Variants in ASIC2 observed in about 807,000 individuals in gnomAD.
ASIC2 encodes the protein acid sensing ion channel subunit 2, also known as acid-sensing ion channel 2.
A neutral mutation model predicts 57.3 loss-of-function variants in ASIC2; 25 were observed. The observed-to-expected ratio is 0.44, with a 90% CI of 0.32 to 0.61. The LOEUF (loss-of-function observed/expected upper bound fraction) is 0.61. ASIC2 is among the 20% of genes least tolerant of loss of function. The probability of loss-of-function intolerance (pLI) is 0.06; values close to 1 mark genes in which losing one functional copy is unlikely to be tolerated. For synonymous variants in ASIC2, 319 were observed against 307.5 expected, an observed-to-expected ratio of 1.04 and a Z score of -0.39; for missense variants, 641 against 738.1, an observed-to-expected ratio of 0.87 and a Z score of 1.52.
intron 1 of ASIC2, among the ~76,000 whole-genome samples, chr17:34,031,839 C>T (rs184045550): frequency 4.6e-5 from 7 of 152,134 alleles, no homozygotes. Context: ...ACAAACAAAG[C>T]CTCCAAGACT....
intron 1 of ASIC2, among the ~76,000 whole-genome samples, chr17:33,327,977 C>A (rs1907144680): frequency 6.6e-6 from 1 of 152,154 alleles, no homozygotes; most frequent in Non-Finnish European, 1.5e-5. Context: ...CCAAAGAAGA[C>A]TGAGGATGGC....
At chr17:33,269,714 T>C (rs1462800830) in intron 1 of ASIC2, among the ~76,000 whole-genome samples, 2 of 36,054 alleles carry the variant, frequency 5.5e-5, no homozygotes, top group African/African-American at 9.6e-5. Context: ...TGCCTGCCTT[T>C]CCTCCCTTCC....
intron 1 of ASIC2, among the ~76,000 whole-genome samples, chr17:33,328,303 G>A (rs541277504): frequency 1.1e-3 from 163 of 152,258 alleles, no homozygotes; most frequent in South Asian, 3.1e-3. Context: ...TCAGCCAACC[G>A]GGGAGAATGG....
chr17:33,900,024 G>C (rs1829316629), intron 1 of ASIC2, among the ~76,000 whole-genome samples: 2 of 152,202 alleles, frequency 1.3e-5, no homozygotes, highest in African/African-American at 4.8e-5. Flanking sequence ...TTACTTCCTT[G>C]TAACATGAGC....
intron 1 of ASIC2, among the ~76,000 whole-genome samples, chr17:34,131,280 G>C (rs572255021): frequency 6.6e-6 from 1 of 151,534 alleles, no homozygotes; most frequent in African/African-American, 2.4e-5. Context: ...AGGGCCATTT[G>C]GTCATGGGAA....
intron 1 of ASIC2, among the ~76,000 whole-genome samples, chr17:33,225,789 G>A (rs1907856653): frequency 6.6e-6 from 1 of 152,244 alleles, no homozygotes; most frequent in South Asian, 2.1e-4. Flanking sequence ...TCAGCCACCA[G>A]CAGCCAGGAA....
At chr17:33,607,508 G>T (rs760098996) in intron 1 of ASIC2, among the ~76,000 whole-genome samples, 1 of 152,136 alleles carries the variant, frequency 6.6e-6, no homozygotes, top group African/African-American at 2.4e-5. Flanking sequence ...ACTCCGAGGC[G>T]ATCTTTCGAA....
chr17:33,912,405 C>G (rs1037630292), intron 1 of ASIC2, among the ~76,000 whole-genome samples: 2 of 151,930 alleles, frequency 1.3e-5, no homozygotes, highest in Non-Finnish European at 2.9e-5. Flanking sequence ...CTGCTTGAAC[C>G]CAGGAGGCAG....
At chr17:33,896,516 G>A (rs1014577333) in intron 1 of ASIC2, among the ~76,000 whole-genome samples, 2 of 152,206 alleles carry the variant, frequency 1.3e-5, no homozygotes, top group African/African-American at 4.8e-5. Flanking sequence ...ACAAAGAAAT[G>A]CTGATGGAGG....
intron 1 of ASIC2, among the ~76,000 whole-genome samples, chr17:33,175,542 C>A (rs1905717701): frequency 6.6e-6 from 1 of 151,268 alleles, no homozygotes; most frequent in Non-Finnish European, 1.5e-5. Flanking sequence ...TTTTTTCCAA[C>A]CAGAATGTGT....
chr17:33,667,412 A>G (rs1196256564), intron 1 of ASIC2, among the ~76,000 whole-genome samples: 1 of 152,232 alleles, frequency 6.6e-6, no homozygotes, highest in Non-Finnish European at 1.5e-5. Context: ...CAAGGCTGTT[A>G]ACCTTATACA....
At chr17:33,433,627 G>C (rs1301725647) in intron 1 of ASIC2, among the ~76,000 whole-genome samples, 1 of 152,122 alleles carries the variant, frequency 6.6e-6, no homozygotes, top group Non-Finnish European at 1.5e-5. Context: ...GTGTGTGCCT[G>C]TAGTCCCAGC....
intron 1 of ASIC2, among the ~76,000 whole-genome samples, chr17:33,727,192 C>G (rs1377625012): frequency 6.6e-6 from 1 of 152,042 alleles, no homozygotes; most frequent in Admixed American, 6.6e-5. Context: ...AATGAAGAAA[C>G]TATAGCTAAA....
chr17:33,789,583 ATGT>A (rs1161691408), intron 1 of ASIC2, among the ~76,000 whole-genome samples: 3 of 151,930 alleles, frequency 2.0e-5, no homozygotes, highest in Non-Finnish European at 1.5e-5. Flanking sequence ...CCTAGCACTG[ATGT>A]TGTATATTTT....
At chr17:33,178,893 G>T (rs1052839302) in intron 1 of ASIC2, among the ~76,000 whole-genome samples, 1 of 152,194 alleles carries the variant, frequency 6.6e-6, no homozygotes, top group African/African-American at 2.4e-5. Context: ...CCATCACCAG[G>T]GTTGGCACAG....
chr17:33,551,173 T>A (rs1915740216), intron 1 of ASIC2, among the ~76,000 whole-genome samples: 1 of 152,244 alleles, frequency 6.6e-6, no homozygotes, highest in Non-Finnish European at 1.5e-5. Context: ...TGGTCGGATG[T>A]CTTTTCGGTG....
At chr17:34,039,249 GGTCT>G (rs1303908762) in intron 1 of ASIC2, 1 of 1,613,808 alleles carries the variant, frequency 6.2e-7, no homozygotes, top group East Asian at 2.2e-5. Context: ...GGTCGGACTG[GGTCT>G]GTCTGTGCTG....
chr17:33,451,192 G>A (rs781732591), intron 1 of ASIC2, among the ~76,000 whole-genome samples: 7 of 151,560 alleles, frequency 4.6e-5, no homozygotes, highest in Non-Finnish European at 7.4e-5. Context: ...GAGTAGCTGG[G>A]ATTACAGGCA....
At chr17:34,113,208 A>G (rs1911327484) in intron 1 of ASIC2, among the ~76,000 whole-genome samples, 1 of 152,098 alleles carries the variant, frequency 6.6e-6, no homozygotes, top group African/African-American at 2.4e-5. Flanking sequence ...GCCCGAAGAG[A>G]GGGGCGAAGG....
Sources: allele counts gnomAD v4.1 joint callset (sites outside exome capture counted in the v4.1 genomes callset), GRCh38; gene constraint gnomAD v4.1.1; transcripts MANE v1.5; gene names NCBI Gene and HGNC (gene_info 2026-07-23, HGNC 2026-07-21).